The following ADCYAP1R1 variants were observed in gnomAD, a reference collection of about 807,000 sequenced individuals.
ADCYAP1R1 encodes the protein ADCYAP receptor type I.
Under a neutral mutation model 67.6 loss-of-function variants are expected in ADCYAP1R1, and 44 were observed. That is an observed-to-expected ratio of 0.65 (90% CI 0.51 to 0.84). ADCYAP1R1 has a LOEUF of 0.84. Ranked by LOEUF, ADCYAP1R1 falls within the 40% of genes least tolerant of loss-of-function variation. The pLI, the probability that ADCYAP1R1 is intolerant of heterozygous loss-of-function variation, is 0.00. For synonymous variants in ADCYAP1R1, 222 were observed against 219.6 expected (o/e 1.01, Z -0.10); for missense variants, 477 against 587.9 (o/e 0.81, Z 1.95).
At chr7:31,065,591 G>A (rs947199169) in intron 3 of ADCYAP1R1, among the ~76,000 whole-genome samples, 1 of 152,178 alleles carries the variant, frequency 6.6e-6, no homozygotes, top group African/African-American at 2.4e-5. Flanking sequence ...CAAGGGAGTG[G>A]CACGATCCCT....
At chr7:31,063,653 C>A (rs1358854098) in intron 2 of ADCYAP1R1, among the ~76,000 whole-genome samples, 1 of 152,200 alleles carries the variant, frequency 6.6e-6, no homozygotes, top group Non-Finnish European at 1.5e-5. Flanking sequence ...GCCCACAATG[C>A]CCTGCCAGGA....
chr7:31,060,898 G>A (rs1443900761), intron 1 of ADCYAP1R1, among the ~76,000 whole-genome samples: 5 of 152,208 alleles, frequency 3.3e-5, no homozygotes, highest in Non-Finnish European at 7.3e-5. Flanking sequence ...CTATACACGA[G>A]CATCACCTGG....
Position 31,108,547 on chromosome 7 carries a change from A to T in ADCYAP1R1, c.*1863A>T, listed in dbSNP as rs1396673612. 1 of 152,030 alleles carries T rather than the reference A, an allele frequency of 6.6e-6. No individual in the cohort carries two copies. The highest frequency in any genetic ancestry group is 1.9e-4 in the East Asian group (1 of 5,148). 9.4% of individuals were successfully genotyped at this position (152,030 alleles called of 1,614,324 possible). ...CATGGCCTAGGGTTCAGGGAACTAG[A>T]CTCTATCCCAGTTGGGTTCAGACTG... is the stretch of plus-strand genomic sequence containing the variant. On this transcript the variant is annotated 3_prime_UTR_variant, in exon 16 of 16. Transcript: ENST00000304166.
chr7:31,075,537 A>G (rs1039669802), intron 3 of ADCYAP1R1, among the ~76,000 whole-genome samples: 2 of 151,878 alleles, frequency 1.3e-5, no homozygotes, highest in African/African-American at 4.8e-5. Context: ...CCCACTCCAT[A>G]AATATGGGTT....
chr7:31,063,074 G>C, intron 1 of ADCYAP1R1, 120 bp from the exon 2 acceptor site: 1 of 623,972 alleles, frequency 1.6e-6, no homozygotes, highest in Non-Finnish European at 2.8e-6. Context: ...AGGGAGGTGG[G>C]GTTATCCTTG....
chr7:31,082,904 T>G (rs1054897220), intron 6 of ADCYAP1R1, among the ~76,000 whole-genome samples: 1 of 152,240 alleles, frequency 6.6e-6, no homozygotes. Context: ...AGAACTGGCC[T>G]TAGATCTTCT....
At position 31,084,211 on chromosome 7, in the gene ADCYAP1R1, C is replaced by T. The variant is rs1369937585; in HGVS notation, c.399C>T (p.Ala133=). ...AACCCTTCCCTCATTACTTTGATGCCTGTGGGTTTGATGAATATGAATCTG... is the reference window on the plus strand; with the variant it reads ...AACCCTTCCCTCATTACTTTGATGCTTGTGGGTTTGATGAATATGAATCTG... ...WSEPFPHYFD[A]CGFDEYESET... Residue 133 remains alanine, a synonymous_variant, in exon 7 of 16, where the codon GCC becomes GCT. Transcript: ENST00000304166. 3.1e-6 allele frequency: 5 copies of T among 1,614,118 alleles called. No individual in the cohort carries two copies. The highest frequency in any genetic ancestry group is 4.2e-6 in the Non-Finnish European group (5 of 1,180,030).
Position 31,086,829 on chromosome 7 carries a change from A to C in ADCYAP1R1, c.824-114A>C. ...GGTGTGAGGGACAGTTAGAATTCCC[A>C]GGAATTCCAAGTCTCATGGGGGAGC... On this transcript the variant is annotated intron_variant, in intron 10 of 15. Transcript: ENST00000304166. This position sits in a 1 kb window ranked among gnomAD's most constrained non-coding sequence, Gnocchi z 5.0. 8.6e-7 allele frequency: 1 copy of C among 1,156,558 alleles called. No homozygotes were observed. The highest frequency in any genetic ancestry group is 1.3e-6 in the Non-Finnish European group (1 of 772,358). 71.6% of individuals were successfully genotyped at this position (1,156,558 alleles called of 1,614,324 possible).
chr7:31,084,895 G>A (rs958025490), intron 8 of ADCYAP1R1, 61 bp downstream of exon 8: 2 of 1,442,952 alleles, frequency 1.4e-6, no homozygotes, highest in African/African-American at 1.4e-5. Context: ...AGAGGCCTTG[G>A]TGCATCTCTC....
chr7:31,079,201 G>A (rs1401375433), intron 4 of ADCYAP1R1, among the ~76,000 whole-genome samples: 1 of 152,200 alleles, frequency 6.6e-6, no homozygotes, highest in Non-Finnish European at 1.5e-5. Context: ...CTTCCAGAAC[G>A]GTTCCTGCCT....
intron 13 of ADCYAP1R1, chr7:31,100,044 C>T (rs2128638929): frequency 7.2e-7 from 1 of 1,385,108 alleles, no homozygotes; most frequent in Non-Finnish European, 1.0e-6. Context: ...ATACCCTCCT[C>T]TTTTCTGCTT....
At chr7:31,067,691 C>A (rs949752061) in intron 3 of ADCYAP1R1, among the ~76,000 whole-genome samples, 1 of 152,190 alleles carries the variant, frequency 6.6e-6, no homozygotes, top group Non-Finnish European at 1.5e-5. Context: ...AGCACCCCCC[C>A]GGGCGCAGCA....
intron 3 of ADCYAP1R1, among the ~76,000 whole-genome samples, chr7:31,066,500 C>T (rs1019971399): frequency 2.0e-5 from 3 of 152,142 alleles, no homozygotes; most frequent in African/African-American, 7.2e-5. Context: ...CTGGAAGGGC[C>T]AGGCCAGTGC....
chr7:31,106,463 T>C (rs756330040), intron 15 of ADCYAP1R1, 33 bp from the exon 16 acceptor site: 7 of 1,575,788 alleles, frequency 4.4e-6, no homozygotes, highest in Non-Finnish European at 6.0e-6. Flanking sequence ...AGGATGTCCA[T>C]CTGGAAGTGA....
chr7:31,062,412 G>A (rs1435549159), intron 1 of ADCYAP1R1, among the ~76,000 whole-genome samples: 3 of 152,208 alleles, frequency 2.0e-5, no homozygotes, highest in Non-Finnish European at 2.9e-5. Context: ...CGAAGATGAA[G>A]TAGAGTGAGG....
chr7:31,105,378 A>T (rs1796598206), intron 15 of ADCYAP1R1, among the ~76,000 whole-genome samples: 1 of 152,200 alleles, frequency 6.6e-6, no homozygotes, highest in African/African-American at 2.4e-5. Flanking sequence ...CCTGGCCCAA[A>T]CTGTCCCCTG....
intron 5 of ADCYAP1R1, 149 bp downstream of exon 5, chr7:31,080,782 T>TCCTC (rs1461963089): frequency 1.0e-5 from 8 of 776,128 alleles, no homozygotes; most frequent in Non-Finnish European, 1.7e-5. Flanking sequence ...CCTCCTTCCT[T>TCCTC]CCTCCCCTCT....
In ADCYAP1R1 at chr7:31,086,811, G is replaced by A. The variant is rs1231008154; in HGVS notation, c.824-132G>A. On this transcript the variant is annotated intron_variant, in intron 10 of 15. Transcript: ENST00000304166. The surrounding 1 kb of genome is among the most constrained non-coding windows in gnomAD (Gnocchi z 5.0). ...AGACCCTCAGGAGGCCTGGGTGTGA[G>A]GGACAGTTAGAATTCCCAGGAATTC... 1.4e-5 allele frequency: 15 copies of A among 1,050,138 alleles called. 1 individual carries two copies. Among genetic ancestry groups the A allele is most frequent in the African/African-American group, 1.6e-5 (1 of 63,764 alleles). 65.1% of individuals were successfully genotyped at this position (1,050,138 alleles called of 1,614,324 possible).
In ADCYAP1R1 at chr7:31,109,391, A is replaced by G. The variant is rs1365701050; in HGVS notation, c.*2707A>G. 1.3e-5 allele frequency: 2 copies of G among 152,256 alleles called. No individual in the cohort carries two copies. Among genetic ancestry groups the G allele is most frequent in the Admixed American group, 6.5e-5 (1 of 15,284 alleles). The allele number at this position is 152,256 out of a possible 1,614,324, so 9.4% of individuals were successfully genotyped here. ...GGCAATAAGACTAGATGATTTGTAT[A>G]TAGCCCAATGCATCTCTGGAACTCT... On this transcript the variant is annotated 3_prime_UTR_variant, in exon 16 of 16. Transcript: ENST00000304166.
Sources: gnomAD v4.1 joint callset for allele counts (sites outside exome capture counted in the v4.1 genomes callset) on GRCh38, gnomAD v4.1.1 for gene constraint, Gnocchi (gnomAD v3.1) non-coding constraint, MANE v1.5 for transcripts, NCBI Gene and HGNC (gene_info 2026-07-23, HGNC 2026-07-21) for gene names.